PCDHGA12: variants seen among roughly 807,000 people sequenced by gnomAD.
PCDHGA12 encodes the protein protocadherin gamma subfamily A, 12.
A neutral mutation model predicts 61.1 loss-of-function variants in PCDHGA12; 43 were observed. That is an observed-to-expected ratio of 0.70 (90% confidence interval 0.55 to 0.91). The LOEUF (loss-of-function observed/expected upper bound fraction) is 0.91, where lower values mean the gene tolerates loss of function less well. Among genes scored for constraint, PCDHGA12 ranks in the 40% least tolerant of loss-of-function variants. PCDHGA12 has a pLI of 0.00. For synonymous variants in PCDHGA12, 520 were observed against 542.9 expected, an observed-to-expected ratio of 0.96 and a Z score of 0.59; for missense variants, 1,236 against 1,227.7, an observed-to-expected ratio of 1.01 and a Z score of -0.10.
intron 1 of PCDHGA12, chr5:141,475,885 A>G (rs1593590954): frequency 1.8e-6 from 1 of 556,524 alleles, no homozygotes. Flanking sequence ...ATTGGCTGGG[A>G]CTCTGTGTGC....
intron 1 of PCDHGA12, among the ~76,000 whole-genome samples, chr5:141,453,517 C>A (rs1001603927): frequency 1.3e-5 from 2 of 152,062 alleles, no homozygotes; most frequent in African/African-American, 4.8e-5. Flanking sequence ...TCATTCCTCC[C>A]CTATACCTTC....
At position 141,490,735 on chromosome 5, in the gene PCDHGA12, C is replaced by T; in HGVS notation, c.2425-4072C>T. The T allele has an allele frequency of 2.5e-6, 4 of 1,614,194 alleles. No individual in the cohort carries two copies. Among genetic ancestry groups the T allele is most frequent in the Non-Finnish European group, 2.5e-6 (3 of 1,180,018 alleles). ...CTACTCCATTGTAGGAAATCAGGTTCAGGGAGCCCCAGCCTCCTCCTTTGT... is the reference window on the plus strand; with the variant it reads ...CTACTCCATTGTAGGAAATCAGGTTTAGGGAGCCCCAGCCTCCTCCTTTGT... On this transcript the variant is annotated intron_variant, in intron 1 of 3. Transcript: ENST00000252085. This position sits in a 1 kb window ranked among gnomAD's most constrained non-coding sequence, Gnocchi z 5.4.
intron 3 of PCDHGA12, among the ~76,000 whole-genome samples, chr5:141,508,742 C>A (rs955179947): frequency 2.0e-5 from 3 of 151,998 alleles, no homozygotes; most frequent in Admixed American, 6.6e-5. Context: ...CCCCCCACCC[C>A]GCTCTTTCTC....
chr5:141,506,262 A>G (rs1395369571), intron 3 of PCDHGA12, among the ~76,000 whole-genome samples: 1 of 152,046 alleles, frequency 6.6e-6, no homozygotes, highest in Admixed American at 6.6e-5. Context: ...CGGCCTGGCC[A>G]ACATAGTGAA....
intron 1 of PCDHGA12, among the ~76,000 whole-genome samples, chr5:141,492,226 C>T (rs1365682179): frequency 6.6e-6 from 1 of 152,178 alleles, no homozygotes; most frequent in Non-Finnish European, 1.5e-5. Flanking sequence ...CATGCGTGTC[C>T]TCCCTGCTGG....
At chr5:141,450,986 G>A (rs950903600) in intron 1 of PCDHGA12, among the ~76,000 whole-genome samples, 15 of 151,310 alleles carry the variant, frequency 9.9e-5, no homozygotes, top group Non-Finnish European at 1.3e-4. Context: ...CACCACACCC[G>A]GCTAATTTTT....
intron 1 of PCDHGA12, among the ~76,000 whole-genome samples, chr5:141,459,880 C>G (rs1240703946): frequency 6.6e-6 from 1 of 152,134 alleles, no homozygotes; most frequent in Non-Finnish European, 1.5e-5. Context: ...TTTAACTGAG[C>G]TGAACGCCTT....
intron 1 of PCDHGA12, chr5:141,478,456 T>A (rs371773090): frequency 3.1e-6 from 5 of 1,613,366 alleles, no homozygotes; most frequent in African/African-American, 2.7e-5. Context: ...GTGCAGCCAG[T>A]CCACTGGCCA....
chr5:141,477,502 C>A lies in PCDHGA12; in HGVS notation c.2425-17305C>A, dbSNP rs2099412065. On this transcript the variant is annotated intron_variant, in intron 1 of 3. Coordinates refer to ENST00000252085, the MANE Select transcript of PCDHGA12 (RefSeq NM_003735.3). This position sits in a 1 kb window ranked among gnomAD's most constrained non-coding sequence, Gnocchi z 4.9. ...CTCCACAATCTTCTCAATCTTCCTA[C>A]GACGTTTACATTGAAGAAAACAACC... The A allele has an allele frequency of 9.3e-6, 15 of 1,614,026 alleles. No homozygotes were observed. The highest frequency in any genetic ancestry group is 1.3e-5 in the Non-Finnish European group (15 of 1,180,026).
chr5:141,464,824 G>A (rs1329087889), intron 1 of PCDHGA12, among the ~76,000 whole-genome samples: 2 of 151,816 alleles, frequency 1.3e-5, no homozygotes, highest in African/African-American at 2.4e-5. Context: ...CTGTAGCCTC[G>A]CACTCCTGGG....
chr5:141,476,328 G>C lies in PCDHGA12; in HGVS notation c.2425-18479G>C, dbSNP rs1381722714. On this transcript the variant is annotated intron_variant, in intron 1 of 3. Coordinates refer to ENST00000252085, the MANE Select transcript of PCDHGA12 (RefSeq NM_003735.3). This position sits in a 1 kb window ranked among gnomAD's most constrained non-coding sequence, Gnocchi z 7.6. Reference sequence around the variant, plus strand: ...GCCCGCAGGTTCCGGGTGGTGTCTGGAGCTAGCCGAAGATTCTTTGAGGTG... The same window carrying C: ...GCCCGCAGGTTCCGGGTGGTGTCTGCAGCTAGCCGAAGATTCTTTGAGGTG... 1 of 1,614,176 alleles carries C rather than the reference G, an allele frequency of 6.2e-7. No individual in the cohort carries two copies. Among genetic ancestry groups the C allele is most frequent in the East Asian group, 2.2e-5 (1 of 44,864 alleles).
rs746903142 is a variant in PCDHGA12, at chr5:141,491,667, G to T, written c.2425-3140G>T. ...TGGCGCTGGAGCCTGACGCCATCCG[G>T]TCCCGCTCTAATACGCTGCGGGAGC... On this transcript the variant is annotated intron_variant, in intron 1 of 3. Coordinates refer to ENST00000252085, the MANE Select transcript of PCDHGA12 (RefSeq NM_003735.3). The surrounding 1 kb of genome is among the most constrained non-coding windows in gnomAD (Gnocchi z 6.9). 1.9e-6 allele frequency: 3 copies of T among 1,613,794 alleles called. No individual in the cohort carries two copies. Among genetic ancestry groups the T allele is most frequent in the Admixed American group, 1.7e-5 (1 of 60,032 alleles).
chr5:141,485,357 C>T lies in PCDHGA12; in HGVS notation c.2425-9450C>T. ...GCTGGATACGGACAGTCTGTCAGCT[C>T]GCAGGCTGCAGGTCGCTGGAGAGGT... On this transcript the variant is annotated intron_variant, in intron 1 of 3. Transcript: ENST00000252085. The surrounding 1 kb of genome is among the most constrained non-coding windows in gnomAD (Gnocchi z 5.7). 1.2e-6 allele frequency: 2 copies of T among 1,614,084 alleles called. No individual in the cohort carries two copies. The highest frequency in any genetic ancestry group is 1.1e-5 in the South Asian group (1 of 91,070).
At chr5:141,463,493 G>C (rs2099061978) in intron 1 of PCDHGA12, among the ~76,000 whole-genome samples, 1 of 128,844 alleles carries the variant, frequency 7.8e-6, no homozygotes, top group Admixed American at 9.6e-5. Flanking sequence ...CTGTCACCCA[G>C]GCTGGAGTGA....
rs566635689 is a variant in PCDHGA12, at chr5:141,469,738, C to G, written c.2425-25069C>G. ...AGGAATTTATCATAAATACACACCT[C>G]AAAAATTACAAAAATACATATATAC... is the stretch of plus-strand genomic sequence containing the variant. On this transcript the variant is annotated intron_variant, in intron 1 of 3. Transcript: ENST00000252085. 6.7e-4 allele frequency among the ~76,000 whole-genome samples: 102 copies of G among 152,292 alleles called. 2 individuals are homozygous for G. Among genetic ancestry groups the G allele is most frequent in the African/African-American group, 2.4e-3 (99 of 41,552 alleles).
chr5:141,485,676 G>A lies in PCDHGA12; in HGVS notation c.2425-9131G>A. The A allele has an allele frequency of 6.2e-7, 1 of 1,612,928 alleles. No individual in the cohort carries two copies. The highest frequency in any genetic ancestry group is 2.2e-5 in the East Asian group (1 of 44,848). On this transcript the variant is annotated intron_variant, in intron 1 of 3. Coordinates refer to ENST00000252085, the MANE Select transcript of PCDHGA12 (RefSeq NM_003735.3). This position sits in a 1 kb window ranked among gnomAD's most constrained non-coding sequence, Gnocchi z 5.7. ...GCAGATGTGGGGAGCAATTCGATTA[G>A]CAGCTATAGGCTGAGCTCCAATGAA...
At position 141,477,483 on chromosome 5, in the gene PCDHGA12, A is replaced by T; in HGVS notation, c.2425-17324A>T. ...TCCGACATCAATGACAACCCTCCAC[A>T]ATCTTCTCAATCTTCCTACGACGTT... On this transcript the variant is annotated intron_variant, in intron 1 of 3. Coordinates refer to ENST00000252085, the MANE Select transcript of PCDHGA12 (RefSeq NM_003735.3). The surrounding 1 kb of genome is among the most constrained non-coding windows in gnomAD (Gnocchi z 4.9). 1 of 1,614,028 alleles carries T rather than the reference A, an allele frequency of 6.2e-7. No homozygotes were observed.
In PCDHGA12 at chr5:141,477,967, C is replaced by T. The variant is rs756216038; in HGVS notation, c.2425-16840C>T. Reference sequence around the variant, plus strand: ...GTCTCTTGGGATCCCCTAACCAGAGCCTTTTTGCCATAGGGCTGCACACTG... The same window carrying T: ...GTCTCTTGGGATCCCCTAACCAGAGTCTTTTTGCCATAGGGCTGCACACTG... On this transcript the variant is annotated intron_variant, in intron 1 of 3. Coordinates refer to ENST00000252085, the MANE Select transcript of PCDHGA12 (RefSeq NM_003735.3). This position sits in a 1 kb window ranked among gnomAD's most constrained non-coding sequence, Gnocchi z 4.9. The T allele has an allele frequency of 8.7e-6, 14 of 1,614,032 alleles. No individual in the cohort carries two copies. In the South Asian group the frequency reaches 1.2e-4, roughly 14 times the overall value.
chr5:141,451,299 A>T (rs1016384424), intron 1 of PCDHGA12, among the ~76,000 whole-genome samples: 17 of 152,228 alleles, frequency 1.1e-4, no homozygotes, highest in African/African-American at 3.4e-4. Flanking sequence ...AAAGTCTTAC[A>T]AGGCAGCAAT....
Sources: allele counts gnomAD v4.1 joint callset (sites outside exome capture counted in the v4.1 genomes callset), GRCh38; gene constraint gnomAD v4.1.1; non-coding constraint Gnocchi (gnomAD v3.1); transcripts MANE v1.5; gene names NCBI Gene and HGNC (gene_info 2026-07-23, HGNC 2026-07-21).